The following DFFB variants were observed in gnomAD, a reference collection of about 807,000 sequenced individuals.
DFFB encodes DNA fragmentation factor 40 kDa subunit.
A neutral mutation model predicts 32.7 loss-of-function variants in DFFB; 29 were observed. The ratio of observed to expected loss-of-function variants is 0.89; its 90% CI spans 0.66 to 1.21. The LOEUF (loss-of-function observed/expected upper bound fraction) is 1.21. DFFB is among the 50% of genes most tolerant of loss of function. The probability of loss-of-function intolerance (pLI) is 0.00; values close to 1 mark genes in which losing one functional copy is unlikely to be tolerated. For synonymous variants in DFFB, 170 were observed against 177.1 expected (o/e 0.96, Z 0.32); for missense variants, 398 against 440.6 (o/e 0.90, Z 0.87).
chr1:3,883,087 T>C (rs1166720975), intron 6 of DFFB, among the ~76,000 whole-genome samples: 3 of 150,654 alleles, frequency 2.0e-5, no homozygotes, highest in Admixed American at 6.7e-5. Context: ...CACTGCAACC[T>C]CCACCTCCAG....
rs373269179 is a variant in DFFB at position 3,858,707 on chromosome 1, C to T, written c.115-11C>T. 3.7e-6 allele frequency: 6 copies of T among 1,612,724 alleles called. No individual in the cohort carries two copies. Among genetic ancestry groups the T allele is most frequent in the African/African-American group, 1.3e-5 (1 of 74,914 alleles). ...CCCTTCCTCCTCCTGTTGCTTCTCC[C>T]GTCCCTGCAGCTCCCTGAGCGCGGT... On this transcript the variant is annotated splice_polypyrimidine_tract_variant and intron_variant, in intron 1 of 6. Transcript: ENST00000378209.
chr1:3,865,653 C>A lies in DFFB; in HGVS notation c.242-159C>A. On this transcript the variant is annotated intron_variant, in intron 2 of 6. Coordinates refer to ENST00000378209, the MANE Select transcript of DFFB (RefSeq NM_004402.4). The surrounding 1 kb of genome is among the most constrained non-coding windows in gnomAD (Gnocchi z 4.7). ...GTGCGTGGTCCCCAGCTGTTGGTGT[C>A]AGGGCAAGGACAAAGACCCGGGACA... 2 of 1,120,694 alleles carry A rather than the reference C, an allele frequency of 1.8e-6. No homozygotes were observed. The highest frequency in any genetic ancestry group is 2.7e-6 in the Non-Finnish European group (2 of 735,424). 69.4% of individuals were successfully genotyped at this position (1,120,694 alleles called of 1,614,324 possible).
intron 6 of DFFB, among the ~76,000 whole-genome samples, chr1:3,876,252 C>G (rs74510180): frequency 0.028 from 4,234 of 152,302 alleles, 172 homozygotes; most frequent in African/African-American, 0.097. Context: ...TCCAAATGCT[C>G]TTGTCCTTTT....
chr1:3,872,592 T>C lies in DFFB; in HGVS notation c.782+20T>C. The C allele has an allele frequency of 6.5e-7, 1 of 1,544,410 alleles. No individual in the cohort carries two copies. The highest frequency in any genetic ancestry group is 8.8e-7 in the Non-Finnish European group (1 of 1,137,470). Reference sequence around the variant, plus strand: ...TCACATGTAAGCTCACAGAGCGAGGTTCAGACCCACGAGTGCCTGCAGGGC... The same window carrying C: ...TCACATGTAAGCTCACAGAGCGAGGCTCAGACCCACGAGTGCCTGCAGGGC... On this transcript the variant is annotated intron_variant, in intron 6 of 6. Transcript: ENST00000378209.
intron 2 of DFFB, among the ~76,000 whole-genome samples, chr1:3,864,886 A>G (rs1437157122): frequency 6.6e-6 from 1 of 152,010 alleles, no homozygotes; most frequent in African/African-American, 2.4e-5. Context: ...CCATCTGTAG[A>G]TTCTCCTTGG....
chr1:3,878,102 A>AGTGT (rs1256823783), intron 6 of DFFB, among the ~76,000 whole-genome samples: 3 of 151,410 alleles, frequency 2.0e-5, no homozygotes, highest in Admixed American at 6.6e-5. Flanking sequence ...CTGTGTCCCC[A>AGTGT]GTGTGTGGGA....
chr1:3,872,373 A>C lies in DFFB; in HGVS notation c.682-99A>C, dbSNP rs112427210. 10,668 of 838,364 alleles carry C rather than the reference A, an allele frequency of 0.013. 802 individuals are homozygous for C. The African/African-American group carries it at 0.16, about 13-fold the overall frequency. 51.9% of individuals were successfully genotyped at this position (838,364 alleles called of 1,614,324 possible). A position where few individuals can be genotyped will look rare whatever the true frequency, so the allele number is the denominator to read the frequency against. On this transcript the variant is annotated intron_variant, in intron 5 of 6. Transcript: ENST00000378209. ...GGTTGTAGTAAGCCGAGATCGGGCC[A>C]CTGCACTCCAGCCTGGCGACAGAGC...
chr1:3,872,029 C>T (rs2124751521), intron 5 of DFFB, among the ~76,000 whole-genome samples: 1 of 152,274 alleles, frequency 6.6e-6, no homozygotes, highest in South Asian at 2.1e-4. Context: ...CCCACCAGGC[C>T]CCGCCTCCCA....
chr1:3,864,538 T>C (rs1644938603), intron 2 of DFFB, among the ~76,000 whole-genome samples: 1 of 152,092 alleles, frequency 6.6e-6, no homozygotes, highest in African/African-American at 2.4e-5. Context: ...ATATCTTTTA[T>C]AAAAACAGAG....
At chr1:3,861,027 C>G (rs144128055) in intron 2 of DFFB, among the ~76,000 whole-genome samples, 2 of 151,778 alleles carry the variant, frequency 1.3e-5, no homozygotes, top group East Asian at 3.9e-4. Flanking sequence ...TGGTGGCGGG[C>G]GCTTGTAATC....
chr1:3,876,852 C>T (rs376005772), intron 6 of DFFB, among the ~76,000 whole-genome samples: 5 of 152,354 alleles, frequency 3.3e-5, no homozygotes, highest in African/African-American at 9.6e-5. Flanking sequence ...GGCTGAAGGG[C>T]GCGGGCCCTG....
chr1:3,858,826 G>A lies in DFFB; in HGVS notation c.223G>A (p.Gly75Ser). ...CGCCGAGCTGGTGCTGCTCACCTTG[G>A]GCCAGGCCTGGCAGGGCTGTGAGTG... ...DNAELVLLTL[G>S]QAWQGYVSDI... The change falls in exon 2 of 7, where the codon GGC becomes AGC. Residue 75 changes from glycine (G) to serine (S), a missense_variant. Physicochemically the swap from Gly to Ser is moderately conservative, Grantham distance 56. Transcript: ENST00000378209. The A allele has an allele frequency of 6.2e-7, 1 of 1,613,862 alleles. No individual in the cohort carries two copies. The highest frequency in any genetic ancestry group is 8.5e-7 in the Non-Finnish European group (1 of 1,180,014).
intron 6 of DFFB, among the ~76,000 whole-genome samples, chr1:3,876,484 T>C (rs1570936818): frequency 6.6e-6 from 1 of 152,368 alleles, no homozygotes; most frequent in East Asian, 1.9e-4. Flanking sequence ...ATTAAAAATG[T>C]AGTTTTCAGC....
chr1:3,869,915 A>G (rs1383308866), intron 5 of DFFB, 140 bp downstream of exon 5: 9 of 894,862 alleles, frequency 1.0e-5, no homozygotes, highest in Non-Finnish European at 1.5e-5. Flanking sequence ...TCACATTCCC[A>G]GGGAGGGCGG....
At chr1:3,861,971 G>A (rs543143762) in intron 2 of DFFB, among the ~76,000 whole-genome samples, 28 of 152,320 alleles carry the variant, frequency 1.8e-4, no homozygotes, top group Middle Eastern at 6.8e-3. Context: ...GAACTTGTAT[G>A]TAGAAAACCC....
At chr1:3,858,669 C>G (rs1401764301) in intron 1 of DFFB, 49 bp from the exon 2 acceptor site, 1 of 1,597,080 alleles carries the variant, frequency 6.3e-7, no homozygotes, top group South Asian at 1.1e-5. Context: ...GATGCAAAGC[C>G]CTCGTCTTGA....
intron 5 of DFFB, among the ~76,000 whole-genome samples, chr1:3,870,566 T>C (rs12029267): frequency 0.095 from 14,391 of 152,266 alleles, 757 homozygotes; most frequent in East Asian, 0.22. Context: ...TGCCTGGCAC[T>C]GTGGGAGGGG....
At position 3,865,191 on chromosome 1, in the gene DFFB, C is replaced by T. The variant is rs1644952460; in HGVS notation, c.242-621C>T. Among the ~76,000 whole-genome samples the T allele has an allele frequency of 6.6e-6, 1 of 152,156 alleles. No homozygotes were observed. Among genetic ancestry groups the T allele is most frequent in the Admixed American group, 6.5e-5 (1 of 15,270 alleles). On this transcript the variant is annotated intron_variant, in intron 2 of 6. Coordinates refer to ENST00000378209, the MANE Select transcript of DFFB (RefSeq NM_004402.4). This position sits in a 1 kb window ranked among gnomAD's most constrained non-coding sequence, Gnocchi z 4.7. ...GGACTTCCACCAAGTCCTCACTCCC[C>T]AGCATGTCCTCCTGTCTTCTTCTGA...
intron 2 of DFFB, among the ~76,000 whole-genome samples, chr1:3,864,368 G>C (rs1557710871): frequency 6.6e-6 from 1 of 152,180 alleles, no homozygotes; most frequent in Non-Finnish European, 1.5e-5. Context: ...GTGTGCTAGA[G>C]TGGCCGTCTT....
Sources: allele counts gnomAD v4.1 joint callset (sites outside exome capture counted in the v4.1 genomes callset), GRCh38; gene constraint gnomAD v4.1.1; non-coding constraint Gnocchi (gnomAD v3.1); transcripts MANE v1.5; gene names NCBI Gene and HGNC (gene_info 2026-07-23, HGNC 2026-07-21).